The following ZNF280D variants were observed in gnomAD, a reference collection of about 807,000 sequenced individuals.
ZNF280D encodes the protein zinc finger protein 280D, also known as suppressor of hairy wing homolog 4.
In ZNF280D, 39 loss-of-function variants were observed where a neutral mutation model predicts 94.7. That is an observed-to-expected ratio of 0.41 (90% CI 0.32 to 0.54). The LOEUF (loss-of-function observed/expected upper bound fraction) is 0.54, where lower values mean the gene tolerates loss of function less well. Among genes scored for constraint, ZNF280D ranks in the 20% least tolerant of loss-of-function variants. ZNF280D has a pLI of 0.22. For missense variants in ZNF280D, 1,090 were observed against 1,149.3 expected (o/e 0.95, Z 0.75); for synonymous variants, 398 against 377.6 (o/e 1.05, Z -0.63).
intron 21 of ZNF280D, among the ~76,000 whole-genome samples, 181 bp downstream of exon 21, chr15:56,635,014 T>C (rs1176223988): frequency 2.6e-5 from 4 of 152,050 alleles, no homozygotes; most frequent in South Asian, 2.1e-4. Flanking sequence ...ACAAAGGATA[T>C]AGAGAATATT....
chr15:56,710,877 C>A (rs1199122546), intron 1 of ZNF280D, among the ~76,000 whole-genome samples: 5 of 151,942 alleles, frequency 3.3e-5, no homozygotes, highest in African/African-American at 1.2e-4. Flanking sequence ...AAAAATTAAG[C>A]AATTTCACAA....
In ZNF280D at chr15:56,631,611, A is replaced by G; in HGVS notation, c.2827T>C (p.Ser943Pro). The change falls in exon 22 of 22, where the codon TCA (serine) becomes CCA (proline). Residue 943 changes from serine to proline, a missense_variant. By Grantham distance (74) the Ser-to-Pro change is moderately conservative. This residue lies in a region of ZNF280D where 577 missense variants were observed against 568.8 expected (regional missense o/e 1.01). Transcript: ENST00000267807. ...EILQKGSGDP[S>P]AKTDEVVSDQ... is the part of the protein sequence containing the mutation. ...GACACTACTTCATCAGTCTTGGCTG[A>G]AGGATCACCACTACCTTTCTGAAGA... The G allele has an allele frequency of 6.2e-7, 1 of 1,614,186 alleles. No homozygotes were observed. Among genetic ancestry groups the G allele is most frequent in the South Asian group, 1.1e-5 (1 of 91,088 alleles).
chr15:56,668,863 A>G lies in ZNF280D; in HGVS notation c.1505T>C (p.Ile502Thr). ...DHKTQHHRTF[I>T]KPKQLEGLPP... is the part of the protein sequence containing the mutation. ...CAATCCTTCTAGTTGTTTAGGTTTT[A>G]TAAATGTTCGATGGTGTTGAGTCTT... Residue 502 changes from isoleucine (I) to threonine (T), a missense_variant, in exon 14 of 22, where the codon ATA becomes ACA. Ile to Thr is a moderately conservative substitution (Grantham distance 89). This residue lies in a region of ZNF280D where 577 missense variants were observed against 568.8 expected (regional missense o/e 1.01). Transcript: ENST00000267807. 1 of 1,610,854 alleles carries G rather than the reference A, an allele frequency of 6.2e-7. No homozygotes were observed. The highest frequency in any genetic ancestry group is 1.1e-5 in the South Asian group (1 of 90,372).
chr15:56,688,210 T>C (rs2056162556), intron 9 of ZNF280D, among the ~76,000 whole-genome samples: 1 of 152,056 alleles, frequency 6.6e-6, no homozygotes, highest in Non-Finnish European at 1.5e-5. Flanking sequence ...AGGGGCTTCT[T>C]GTACCAATAA....
chr15:56,720,376 C>T (rs2058291445), intron 1 of ZNF280D, among the ~76,000 whole-genome samples: 1 of 152,188 alleles, frequency 6.6e-6, no homozygotes, highest in Non-Finnish European at 1.5e-5. Context: ...ACTTCTAAAT[C>T]CGGCTCTCTT....
intron 19 of ZNF280D, among the ~76,000 whole-genome samples, chr15:56,648,524 G>C (rs1268350441): frequency 6.6e-6 from 1 of 151,860 alleles, no homozygotes; most frequent in Non-Finnish European, 1.5e-5. Context: ...AAGCAATAGA[G>C]GATACTACTG....
At chr15:56,704,413 C>A in intron 3 of ZNF280D, 146 bp from the exon 4 acceptor site, 2 of 765,356 alleles carry the variant, frequency 2.6e-6, no homozygotes, top group Admixed American at 6.2e-5. Context: ...TATGTGGTAA[C>A]AACAGTGAGA....
In ZNF280D at chr15:56,681,808, T is replaced by C. The variant is rs368349492; in HGVS notation, c.1004+446A>G. 1.8e-4 allele frequency among the ~76,000 whole-genome samples: 28 copies of C among 152,212 alleles called. No individual in the cohort carries two copies. In the East Asian group the frequency reaches 5.0e-3, roughly 27 times the overall value. On this transcript the variant is annotated intron_variant, in intron 10 of 21. Transcript: ENST00000267807. ...CATCTCTAAAACTGATAATTTTTCC[T>C]GCAAGATTAATGTTCTAAAAACTAT...
At chr15:56,644,702 G>A (rs1190308486) in intron 19 of ZNF280D, among the ~76,000 whole-genome samples, 2 of 152,070 alleles carry the variant, frequency 1.3e-5, no homozygotes, top group African/African-American at 2.4e-5. Flanking sequence ...ATTGTATGCA[G>A]CTATTAAAAT....
Position 56,699,469 on chromosome 15 carries a change from C to G in ZNF280D, c.381+1464G>C, listed in dbSNP as rs945307729. 4.8e-6 allele frequency: 4 copies of G among 841,026 alleles called. No individual in the cohort carries two copies. The African/African-American group carries it at 7.4e-5, about 16-fold the overall frequency. 52.1% of individuals were successfully genotyped at this position (841,026 alleles called of 1,614,324 possible). Reference sequence around the variant, plus strand: ...TTTTGGTTTTAGATATTAATCTATACCCAGTTCAAACTGTGGAAACTGAAC... The same window carrying G: ...TTTTGGTTTTAGATATTAATCTATAGCCAGTTCAAACTGTGGAAACTGAAC... On this transcript the variant is annotated intron_variant, in intron 6 of 21. Transcript: ENST00000267807.
At chr15:56,656,913 C>G (rs569960410) in intron 17 of ZNF280D, among the ~76,000 whole-genome samples, 1 of 152,200 alleles carries the variant, frequency 6.6e-6, no homozygotes, top group East Asian at 1.9e-4. Flanking sequence ...AGGAAAGACT[C>G]ACTCAATCAA....
At chr15:56,648,005 A>C (rs1360805989) in intron 19 of ZNF280D, among the ~76,000 whole-genome samples, 1 of 152,198 alleles carries the variant, frequency 6.6e-6, no homozygotes, top group Non-Finnish European at 1.5e-5. Flanking sequence ...CATCTTGCAG[A>C]TGAGAAAATC....
chr15:56,732,956 G>A (rs750984568), intron 1 of ZNF280D: 7 of 152,436 alleles, frequency 4.6e-5, no homozygotes, highest in African/African-American at 1.4e-4. Flanking sequence ...GGAACGACCG[G>A]TCATCTGGGC....
intron 19 of ZNF280D, chr15:56,653,566 G>A: frequency 6.6e-7 from 1 of 1,510,380 alleles, no homozygotes; most frequent in East Asian, 2.6e-5. Flanking sequence ...GTATACCCTG[G>A]ATATTTTTTG....
At chr15:56,686,478 A>C (rs758623520) in intron 9 of ZNF280D, among the ~76,000 whole-genome samples, 1 of 152,188 alleles carries the variant, frequency 6.6e-6, no homozygotes, top group Non-Finnish European at 1.5e-5. Context: ...TCTATATCAT[A>C]AACAACAGCA....
intron 1 of ZNF280D, 34 bp downstream of exon 1, chr15:56,733,424 A>C: frequency 4.8e-6 from 5 of 1,035,718 alleles, no homozygotes; most frequent in Non-Finnish European, 4.7e-6. Flanking sequence ...TGCCTGCTGC[A>C]GCGCAGGGCG....
Position 56,707,117 on chromosome 15 carries a change from C to A in ZNF280D, c.-8G>T. On this transcript the variant is annotated 5_prime_UTR_variant, in exon 3 of 22. Transcript: ENST00000267807. ...AAAAGGGTTGTCGCCCATCAAGCTG[C>A]AGAGATGACTTTCTGTAAATTGTCA... The A allele has an allele frequency of 1.2e-6, 2 of 1,613,902 alleles. No individual in the cohort carries two copies. The highest frequency in any genetic ancestry group is 1.7e-6 in the Non-Finnish European group (2 of 1,179,934).
At chr15:56,635,624 T>G (rs2052317150) in intron 20 of ZNF280D, 1 of 152,684 alleles carries the variant, frequency 6.5e-6, no homozygotes, top group Non-Finnish European at 1.5e-5. Context: ...ATCCACAGTA[T>G]TTTATATAAA....
chr15:56,643,028 AT>A, intron 19 of ZNF280D, 31 bp from the exon 20 acceptor site: 1 of 1,367,944 alleles, frequency 7.3e-7, no homozygotes, highest in Non-Finnish European at 9.8e-7. Context: ...TGAATATTTT[AT>A]TTTATATGTA....
Sources: allele counts gnomAD v4.1 joint callset (sites outside exome capture counted in the v4.1 genomes callset), GRCh38; gene constraint gnomAD v4.1.1; regional missense constraint gnomAD v4.1.1; transcripts MANE v1.5; gene names NCBI Gene and HGNC (gene_info 2026-07-23, HGNC 2026-07-21).